The following PRKG1 variants were observed in gnomAD, a reference collection of about 807,000 sequenced individuals.
PRKG1 encodes cGMP-dependent protein kinase 1.
PRKG1 carries 35 observed loss-of-function variants against 88.1 expected under a neutral mutation model. The observed-to-expected ratio is 0.40, with a 90% confidence interval of 0.30 to 0.53. PRKG1 has a LOEUF of 0.53. Among genes scored for constraint, PRKG1 ranks in the 20% least tolerant of loss-of-function variants. PRKG1 has a pLI of 0.59. For missense variants in PRKG1, 540 were observed against 839.8 expected (o/e 0.64, Z 4.41); for synonymous variants, 303 against 292.5 (o/e 1.04, Z -0.37).
At chr10:51,185,700 A>G (rs1215731845) in intron 2 of PRKG1, among the ~76,000 whole-genome samples, 1 of 151,852 alleles carries the variant, frequency 6.6e-6, no homozygotes, top group African/African-American at 2.4e-5. Context: ...TTTAAACACT[A>G]TTTTACAACA....
rs74133569 is a variant in PRKG1, at chr10:51,307,347, C to G, written c.478+154017C>G. Among the ~76,000 whole-genome samples the G allele has an allele frequency of 6.7e-3, 1,021 of 152,110 alleles. 9 individuals are homozygous for G. Among genetic ancestry groups the G allele is most frequent in the African/African-American group, 0.023 (975 of 41,512 alleles). ...TTTGTAGAAAAAGAAGCTGAGAAGA[C>G]TGTGGAGGTTAAGTAACTTGCCCAA... On this transcript the variant is annotated intron_variant, in intron 2 of 17. Transcript: ENST00000373980.
At chr10:51,261,703 T>C (rs1377393525) in intron 2 of PRKG1, among the ~76,000 whole-genome samples, 1 of 150,926 alleles carries the variant, frequency 6.6e-6, no homozygotes, top group Non-Finnish European at 1.5e-5. Context: ...TATTTTATTC[T>C]CATCATTCTC....
At chr10:51,665,915 ATATG>A (rs1840411291) in intron 3 of PRKG1, among the ~76,000 whole-genome samples, 1 of 151,654 alleles carries the variant, frequency 6.6e-6, no homozygotes. Flanking sequence ...GTATTTATGA[ATATG>A]TGTGTGTGTG....
chr10:51,547,472 T>C (rs1842469031), intron 3 of PRKG1, among the ~76,000 whole-genome samples: 1 of 152,100 alleles, frequency 6.6e-6, no homozygotes, highest in African/African-American at 2.4e-5. Context: ...CAGTAGTAAA[T>C]AAGAGGCTGT....
At chr10:52,072,032 T>G (rs1428165481) in intron 7 of PRKG1, among the ~76,000 whole-genome samples, 1 of 152,076 alleles carries the variant, frequency 6.6e-6, no homozygotes, top group East Asian at 1.9e-4. Flanking sequence ...AGTCGCCCTC[T>G]CCCGTGGGGC....
chr10:51,413,061 T>A (rs535059422), intron 2 of PRKG1, among the ~76,000 whole-genome samples: 7 of 152,320 alleles, frequency 4.6e-5, no homozygotes, highest in Admixed American at 1.3e-4. Context: ...CTGATTCAGA[T>A]CACAGCAAAT....
At chr10:52,036,596 TCTTATA>T (rs1564440997) in intron 5 of PRKG1, among the ~76,000 whole-genome samples, 1 of 151,320 alleles carries the variant, frequency 6.6e-6, no homozygotes, top group Non-Finnish European at 1.5e-5. Flanking sequence ...AGTAGAGGTA[TCTTATA>T]CTTGTGGGTT....
Position 52,271,331 on chromosome 10 carries a change from T to A in PRKG1, c.1174-19T>A. ...CAAGTCTATGGGCTTTTTCTTACTC[T>A]CTTCTCTCTTTCTTTAAGGTCCAGT... On this transcript the variant is annotated intron_variant, in intron 10 of 17. Coordinates refer to ENST00000373980, the MANE Select transcript of PRKG1 (RefSeq NM_006258.4). The A allele has an allele frequency of 6.2e-7, 1 of 1,609,584 alleles. No individual in the cohort carries two copies. The highest frequency in any genetic ancestry group is 8.5e-7 in the Non-Finnish European group (1 of 1,176,798).
intron 2 of PRKG1, among the ~76,000 whole-genome samples, chr10:51,371,293 T>G (rs1001430443): frequency 2.0e-5 from 3 of 152,010 alleles, no homozygotes; most frequent in African/African-American, 7.3e-5. Context: ...TCCCAGCTAC[T>G]TGGGAGGTTG....
chr10:51,962,034 G>T (rs997902291), intron 5 of PRKG1, among the ~76,000 whole-genome samples: 44 of 152,186 alleles, frequency 2.9e-4, no homozygotes, highest in African/African-American at 1.0e-3. Context: ...TATTTAGATT[G>T]AAGGGCTATG....
rs769583270 is a variant in PRKG1 at position 51,177,920 on chromosome 10, C to CAGT, written c.478+24591_478+24592insGTA. On this transcript the variant is annotated intron_variant, in intron 2 of 17. Transcript: ENST00000373980. ...ATATATACTATAACCATAGTGCCCACAACCATCAAAAATTTACTGTGTAAG... is the reference window on the plus strand; with the variant it reads ...ATATATACTATAACCATAGTGCCCACAGTAACCATCAAAAATTTACTGTGTAAG... 6.9e-3 allele frequency among the ~76,000 whole-genome samples: 1,048 copies of CAGT among 152,040 alleles called. 4 individuals are homozygous for CAGT. The highest frequency in any genetic ancestry group is 0.011 in the Non-Finnish European group (725 of 67,978).
At chr10:51,031,051 T>G (rs1165642427) in intron 1 of PRKG1, among the ~76,000 whole-genome samples, 4 of 152,186 alleles carry the variant, frequency 2.6e-5, no homozygotes, top group Non-Finnish European at 4.4e-5. Context: ...TCACCTAGTT[T>G]CTTGAGTGCT....
chr10:51,368,013 T>C (rs1398032640), intron 2 of PRKG1, among the ~76,000 whole-genome samples: 1 of 151,978 alleles, frequency 6.6e-6, no homozygotes, highest in Non-Finnish European at 1.5e-5. Context: ...TTTCCTTTTG[T>C]AGAAATGTCC....
At chr10:51,039,870 A>C (rs1001621831) in intron 1 of PRKG1, among the ~76,000 whole-genome samples, 3 of 152,128 alleles carry the variant, frequency 2.0e-5, no homozygotes, top group African/African-American at 7.2e-5. Flanking sequence ...CATGTGTCGG[A>C]AGCGAATTCA....
intron 5 of PRKG1, among the ~76,000 whole-genome samples, chr10:51,913,909 C>T (rs1009047910): frequency 6.6e-6 from 1 of 152,124 alleles, no homozygotes; most frequent in African/African-American, 2.4e-5. Context: ...AATCTCTATA[C>T]TATCCCATAT....
intron 3 of PRKG1, among the ~76,000 whole-genome samples, chr10:51,604,251 C>A (rs1838695593): frequency 6.6e-6 from 1 of 152,012 alleles, no homozygotes; most frequent in African/African-American, 2.4e-5. Flanking sequence ...CTTTCAAGTT[C>A]CTAGTTTTTA....
chr10:51,396,403 A>G (rs1837577882), intron 2 of PRKG1, among the ~76,000 whole-genome samples: 1 of 152,202 alleles, frequency 6.6e-6, no homozygotes, highest in South Asian at 2.1e-4. Flanking sequence ...CTGAAAAAAA[A>G]AAAGAGAGAG....
chr10:51,556,871 T>C (rs771409958), intron 3 of PRKG1, among the ~76,000 whole-genome samples: 2 of 152,050 alleles, frequency 1.3e-5, no homozygotes, highest in Non-Finnish European at 2.9e-5. Flanking sequence ...CTTTAATCTA[T>C]AATAAATGTT....
intron 5 of PRKG1, among the ~76,000 whole-genome samples, chr10:52,012,122 T>C (rs955096594): frequency 6.6e-6 from 1 of 152,214 alleles, no homozygotes; most frequent in Admixed American, 6.5e-5. Context: ...TTTTATGAAA[T>C]TCCACATAGT....
Sources: allele counts gnomAD v4.1 joint callset (sites outside exome capture counted in the v4.1 genomes callset), GRCh38; gene constraint gnomAD v4.1.1; transcripts MANE v1.5; gene names NCBI Gene and HGNC (gene_info 2026-07-23, HGNC 2026-07-21).